The following ARMC9 variants were observed in gnomAD, a reference collection of about 807,000 sequenced individuals.
ARMC9 encodes the protein lisH domain-containing protein ARMC9.
A neutral mutation model predicts 107.0 loss-of-function variants in ARMC9; 94 were observed. The ratio of observed to expected loss-of-function variants is 0.88; its 90% CI spans 0.74 to 1.04. The LOEUF is 1.04. ARMC9 is among the 50% of genes least tolerant of loss of function. The pLI is 0.00. For synonymous variants in ARMC9, 380 were observed against 396.9 expected (o/e 0.96, Z 0.51); for missense variants, 942 against 1,030.1 (o/e 0.91, Z 1.17).
At chr2:231,359,681 C>T (rs570726661) in intron 22 of ARMC9, among the ~76,000 whole-genome samples, 3 of 152,306 alleles carry the variant, frequency 2.0e-5, no homozygotes, top group South Asian at 2.1e-4. Context: ...CTCAAGTATT[C>T]TCTTGTACAC....
At chr2:231,325,734 A>G (rs2043277364) in intron 19 of ARMC9, among the ~76,000 whole-genome samples, 1 of 152,206 alleles carries the variant, frequency 6.6e-6, no homozygotes, top group Non-Finnish European at 1.5e-5. Flanking sequence ...CTCTAAGCCA[A>G]GGCAACAACC....
Position 231,371,800 on chromosome 2 carries a change from C to A in ARMC9, c.*265C>A. On this transcript the variant is annotated 3_prime_UTR_variant, in exon 25 of 25. Transcript: ENST00000611582. ...CTGGAGAGGGGAATTTCCTGCTCAC[C>A]CTTCACACACAGAGGAGAGGGGTGG... is the stretch of plus-strand genomic sequence containing the variant. The A allele has an allele frequency of 2.6e-6, 1 of 380,320 alleles. No homozygotes were observed. The highest frequency in any genetic ancestry group is 1.4e-4 in the South Asian group (1 of 6,900). The allele number at this position is 380,320 out of a possible 1,614,324, so 23.6% of individuals were successfully genotyped here.
chr2:231,340,390 G>A (rs934436208), intron 20 of ARMC9, among the ~76,000 whole-genome samples: 2 of 152,132 alleles, frequency 1.3e-5, no homozygotes, highest in African/African-American at 4.8e-5. Context: ...ATAATCCTAA[G>A]CCAAAGTGGC....
chr2:231,371,545 C>T lies in ARMC9; in HGVS notation c.*10C>T, dbSNP rs974813897. 8.1e-6 allele frequency: 10 copies of T among 1,235,834 alleles called. No individual in the cohort carries two copies. The highest frequency in any genetic ancestry group is 1.6e-5 in the African/African-American group (1 of 63,688). The allele number at this position is 1,235,834 out of a possible 1,614,324, so 76.6% of individuals were successfully genotyped here. ...GTCTCACAGGAAGTAAGGATGTCCC[C>T]GGGTGTCCCCATCACGTTGCCGGAG... On this transcript the variant is annotated 3_prime_UTR_variant, in exon 25 of 25. Coordinates refer to ENST00000611582, the MANE Select transcript of ARMC9 (RefSeq NM_001352754.2).
At chr2:231,230,349 G>A (rs61361365) in intron 7 of ARMC9, among the ~76,000 whole-genome samples, 15,877 of 151,344 alleles carry the variant, frequency 0.1, 1,947 homozygotes, top group African/African-American at 0.29. Flanking sequence ...GCCAGACTCC[G>A]TCTCAAAAAA....
chr2:231,353,980 TAC>T (rs35433958), intron 21 of ARMC9, among the ~76,000 whole-genome samples: 5,852 of 134,840 alleles, frequency 0.043, 89 homozygotes, highest in Non-Finnish European at 0.046. Context: ...TATGTATATA[TAC>T]ACACACACAC....
At position 231,271,028 on chromosome 2, in the gene ARMC9, A is replaced by G; in HGVS notation, c.1166A>G (p.Gln389Arg). The change falls in exon 13 of 25, where the codon CAG (glutamine) becomes CGG (arginine). Residue 389 changes from glutamine to arginine, a missense_variant. Physicochemically the swap from Gln to Arg is conservative, Grantham distance 43. Transcript: ENST00000611582. ...LLHSTSDVVR[Q>R]YMARLINAFA... ...CACTCCACGAGCGACGTGGTGCGGC[A>G]GTACATGGCCAGGCTCATCAATGCT... 4 of 1,614,208 alleles carry G rather than the reference A, an allele frequency of 2.5e-6. No homozygotes were observed. Among genetic ancestry groups the G allele is most frequent in the Middle Eastern group, 1.6e-4 (1 of 6,062 alleles).
At chr2:231,335,760 C>G (rs867523476) in intron 20 of ARMC9, among the ~76,000 whole-genome samples, 3 of 152,252 alleles carry the variant, frequency 2.0e-5, no homozygotes, top group African/African-American at 7.2e-5. Context: ...TTTTTAGTAC[C>G]GTGCATACCG....
rs776703305 is a variant in ARMC9 at position 231,322,698 on chromosome 2, G to A, written c.1774-9095G>A. Among the ~76,000 whole-genome samples the A allele has an allele frequency of 7.9e-5, 12 of 152,074 alleles. 1 individual carries two copies. The highest frequency in any genetic ancestry group is 1.8e-4 in the Non-Finnish European group (12 of 68,026). ...CATCTAAATTCATCTCAGCTCGAGC[G>A]CCTTTTTTATGAGGCATTCTTAATT... On this transcript the variant is annotated intron_variant, in intron 19 of 24. Coordinates refer to ENST00000611582, the MANE Select transcript of ARMC9 (RefSeq NM_001352754.2).
At chr2:231,210,816 A>G (rs768492952) in intron 3 of ARMC9, among the ~76,000 whole-genome samples, 13 of 152,236 alleles carry the variant, frequency 8.5e-5, no homozygotes, top group Non-Finnish European at 1.2e-4. Context: ...TGTACAGTTC[A>G]GTAGTGTTAA....
chr2:231,262,454 C>T (rs1309663673), intron 12 of ARMC9, 56 bp downstream of exon 12: 12 of 1,444,544 alleles, frequency 8.3e-6, no homozygotes, highest in African/African-American at 2.8e-5. Context: ...AGGGAATGAT[C>T]TTAGCAGATG....
intron 12 of ARMC9, among the ~76,000 whole-genome samples, chr2:231,268,542 G>A (rs1414194351): frequency 1.3e-5 from 2 of 152,046 alleles, no homozygotes; most frequent in South Asian, 2.1e-4. Flanking sequence ...TGTTTCCAGT[G>A]TCCCATATTA....
At chr2:231,214,114 C>G (rs1007901164) in intron 3 of ARMC9, among the ~76,000 whole-genome samples, 1 of 152,188 alleles carries the variant, frequency 6.6e-6, no homozygotes, top group African/African-American at 2.4e-5. Context: ...CTAGTGCATG[C>G]TGAATCATGA....
intron 5 of ARMC9, among the ~76,000 whole-genome samples, chr2:231,221,692 G>C (rs992972297): frequency 4.0e-5 from 6 of 151,312 alleles, no homozygotes; most frequent in African/African-American, 1.5e-4. Flanking sequence ...ACAAAAATTA[G>C]CCAGGCTTGG....
chr2:231,262,506 C>A, intron 12 of ARMC9, 108 bp downstream of exon 12: 2 of 1,089,468 alleles, frequency 1.8e-6, no homozygotes, highest in South Asian at 1.3e-5. Flanking sequence ...AGCTTCGTAA[C>A]TGTATGTCAG....
intron 7 of ARMC9, among the ~76,000 whole-genome samples, chr2:231,233,876 CCTT>C (rs2035474859): frequency 6.6e-6 from 1 of 152,108 alleles, no homozygotes; most frequent in Non-Finnish European, 1.5e-5. Context: ...CACTATATAA[CCTT>C]CTCTAGGTCA....
At chr2:231,298,634 A>G (rs1034294085) in intron 19 of ARMC9, among the ~76,000 whole-genome samples, 7 of 152,214 alleles carry the variant, frequency 4.6e-5, no homozygotes, top group African/African-American at 1.7e-4. Flanking sequence ...TTAGCTGCTT[A>G]GCAACTCTAA....
rs759691541 is a variant in ARMC9 at position 231,354,263 on chromosome 2, TAAAA to T, written c.1995-1515_1995-1512del. Among the ~76,000 whole-genome samples, 285 of 100,444 alleles carry T rather than the reference TAAAA, an allele frequency of 2.8e-3. 1 individual carries two copies. Among genetic ancestry groups the T allele is most frequent in the African/African-American group, 0.013 (269 of 21,396 alleles). 65.9% of individuals were successfully genotyped at this position (100,444 alleles called of 152,430 possible). A position where few individuals can be genotyped will look rare whatever the true frequency, so the allele number is the denominator to read the frequency against. The stretch of plus-strand genomic sequence containing the variant: ...AGTCAACACAGACCTCATCTCCATT[TAAAA>T]AAAAAAAAAAAAAAAAAAAGACTGA... On this transcript the variant is annotated intron_variant, in intron 21 of 24. Transcript: ENST00000611582.
At chr2:231,221,516 A>C (rs1439650107) in intron 5 of ARMC9, among the ~76,000 whole-genome samples, 1 of 152,108 alleles carries the variant, frequency 6.6e-6, no homozygotes, top group African/African-American at 2.4e-5. Flanking sequence ...TCAGGGAATT[A>C]CACAATTTTT....
Sources: allele counts gnomAD v4.1 joint callset (sites outside exome capture counted in the v4.1 genomes callset), GRCh38; gene constraint gnomAD v4.1.1; transcripts MANE v1.5; gene names NCBI Gene and HGNC (gene_info 2026-07-23, HGNC 2026-07-21).